HSPBAP1: variants seen among roughly 807,000 people sequenced by gnomAD.
HSPBAP1 encodes HSPB1 associated protein 1, also known as HSPB1-associated protein 1.
A neutral mutation model predicts 45.2 loss-of-function variants in HSPBAP1; 27 were observed. The observed-to-expected ratio is 0.60, with a 90% CI of 0.44 to 0.82. HSPBAP1 has a LOEUF of 0.82. Ranked by LOEUF, HSPBAP1 falls within the 40% of genes least tolerant of loss-of-function variation. The pLI, the probability that HSPBAP1 is intolerant of heterozygous loss-of-function variation, is 0.00. For synonymous variants in HSPBAP1, 204 were observed against 202.7 expected (o/e 1.01, Z -0.06); for missense variants, 510 against 590.9 (o/e 0.86, Z 1.42).
intron 2 of HSPBAP1, among the ~76,000 whole-genome samples, chr3:122,776,139 G>A (rs1173740705): frequency 3.3e-5 from 5 of 152,136 alleles, no homozygotes; most frequent in Admixed American, 3.3e-4. Context: ...TGGCTTAAGG[G>A]GTACTGGGCT....
intron 6 of HSPBAP1, among the ~76,000 whole-genome samples, chr3:122,743,708 G>A (rs1933751411): frequency 6.6e-6 from 1 of 152,198 alleles, no homozygotes; most frequent in African/African-American, 2.4e-5. Flanking sequence ...AAATATATAT[G>A]TGTGCATATG....
chr3:122,750,666 T>A (rs1012677926), intron 6 of HSPBAP1, among the ~76,000 whole-genome samples: 1 of 152,166 alleles, frequency 6.6e-6, no homozygotes, highest in African/African-American at 2.4e-5. Context: ...AAATGCCATT[T>A]CCTACAAAAA....
At chr3:122,753,827 G>A in intron 5 of HSPBAP1, 1 of 984,868 alleles carries the variant, frequency 1.0e-6, no homozygotes, top group Non-Finnish European at 1.2e-6. Context: ...AGCTGGGTTT[G>A]AGTGGATTAA....
At position 122,778,440 on chromosome 3, in the gene HSPBAP1, G is replaced by T. The variant is rs576704725; in HGVS notation, c.65-534C>A. On this transcript the variant is annotated intron_variant, in intron 1 of 7. Transcript: ENST00000306103. ...TTTCAGTTCCTTCTTTTTTTTAACC[G>T]TCAAGCTAGACATTTTTATTTTCCA... Among the ~76,000 whole-genome samples, 10 of 151,238 alleles carry T rather than the reference G, an allele frequency of 6.6e-5. 1 individual carries two copies. In the South Asian group the frequency reaches 2.1e-3, roughly 32 times the overall value.
intron 1 of HSPBAP1, among the ~76,000 whole-genome samples, chr3:122,792,264 C>T (rs1440571673): frequency 2.0e-5 from 3 of 152,152 alleles, no homozygotes; most frequent in Admixed American, 6.5e-5. Flanking sequence ...CAGCAAAGTT[C>T]AGGCCCACGG....
intron 2 of HSPBAP1, 88 bp from the exon 3 acceptor site, chr3:122,768,970 C>A: frequency 2.0e-6 from 2 of 983,642 alleles, no homozygotes; most frequent in Non-Finnish European, 2.9e-6. Context: ...TAATTTCAAC[C>A]AAAAAATTAA....
intron 2 of HSPBAP1, among the ~76,000 whole-genome samples, chr3:122,772,114 T>C (rs1021696229): frequency 2.0e-5 from 3 of 152,204 alleles, no homozygotes; most frequent in Non-Finnish European, 4.4e-5. Flanking sequence ...TTTTAAGGAA[T>C]CTGTAGACCT....
intron 6 of HSPBAP1, among the ~76,000 whole-genome samples, chr3:122,749,283 C>A (rs1005884710): frequency 2.0e-5 from 3 of 151,984 alleles, no homozygotes; most frequent in African/African-American, 7.2e-5. Flanking sequence ...GCAGACTTCC[C>A]TGAGTATAAC....
intron 4 of HSPBAP1, among the ~76,000 whole-genome samples, chr3:122,755,739 A>T (rs1222112990): frequency 6.6e-6 from 1 of 151,864 alleles, no homozygotes; most frequent in Non-Finnish European, 1.5e-5. Flanking sequence ...TCTCAAATCA[A>T]AGTCTGCCTT....
At chr3:122,791,970 T>C (rs766784947) in intron 1 of HSPBAP1, among the ~76,000 whole-genome samples, 1 of 152,062 alleles carries the variant, frequency 6.6e-6, no homozygotes, top group Non-Finnish European at 1.5e-5. Flanking sequence ...GATACAGTAG[T>C]AGTTGAGGTG....
chr3:122,754,298 C>T (rs1269381485), intron 5 of HSPBAP1: 1 of 153,412 alleles, frequency 6.5e-6, no homozygotes, highest in Non-Finnish European at 1.4e-5. Context: ...ATTATTCAGC[C>T]ATAAAAAAGA....
chr3:122,743,176 C>A (rs911390594), intron 6 of HSPBAP1, among the ~76,000 whole-genome samples: 1 of 152,200 alleles, frequency 6.6e-6, no homozygotes, highest in Admixed American at 6.5e-5. Flanking sequence ...CCATTGTACA[C>A]ATATACCACA....
At position 122,768,776 on chromosome 3, in the gene HSPBAP1, G is replaced by A. The variant is rs767213813; in HGVS notation, c.357C>T (p.Asp119=). 2.5e-5 allele frequency: 41 copies of A among 1,611,742 alleles called. No homozygotes were observed. The highest frequency in any genetic ancestry group is 3.2e-5 in the Non-Finnish European group (38 of 1,177,966). The change falls in exon 3 of 8, where the codon GAC becomes GAT. Residue 119 remains aspartate (D), a synonymous_variant. Coordinates refer to ENST00000306103, the MANE Select transcript of HSPBAP1 (RefSeq NM_024610.6). ...SSISGPFRDY[D]HSKFWAYADY... is the part of the protein sequence containing the mutation. Reference sequence around the variant, plus strand: ...CAGCATAAGCCCAGAACTTGGAATGGTCATAATCTCTAAATGGTCCAGAAA... The same window carrying A: ...CAGCATAAGCCCAGAACTTGGAATGATCATAATCTCTAAATGGTCCAGAAA...
At position 122,768,831 on chromosome 3, in the gene HSPBAP1, A is replaced by G; in HGVS notation, c.302T>C (p.Phe101Ser). The G allele has an allele frequency of 6.2e-7, 1 of 1,613,128 alleles. No individual in the cohort carries two copies. The highest frequency in any genetic ancestry group is 8.5e-7 in the Non-Finnish European group (1 of 1,179,070). Residue 101 changes from phenylalanine to serine, a missense_variant, in exon 3 of 8, where the codon TTT becomes TCT. Transcript: ENST00000306103. ...CNYVEATLEE[F>S]LTWNCDQSSI... The stretch of plus-strand genomic sequence containing the variant: ...AGACTGGTCACAGTTCCAGGTCAGA[A>G]ACTCTTCGAGTGTAGCTTCTACGTA...
chr3:122,768,607 G>A (rs1934870867), intron 3 of HSPBAP1, 94 bp downstream of exon 3: 1 of 797,986 alleles, frequency 1.3e-6, no homozygotes, highest in Non-Finnish European at 2.0e-6. Context: ...ACTTATGAGA[G>A]AAAAAGGCAG....
chr3:122,744,322 C>G (rs1933773301), intron 6 of HSPBAP1, among the ~76,000 whole-genome samples: 1 of 152,060 alleles, frequency 6.6e-6, no homozygotes, highest in African/African-American at 2.4e-5. Context: ...TACTCTTTTC[C>G]AAGTATGTGA....
intron 1 of HSPBAP1, among the ~76,000 whole-genome samples, chr3:122,785,695 C>G (rs1333872250): frequency 6.6e-6 from 1 of 152,128 alleles, no homozygotes; most frequent in Non-Finnish European, 1.5e-5. Context: ...CTTACCATGC[C>G]TTAACAAGTG....
chr3:122,753,541 T>A (rs1332468774), intron 5 of HSPBAP1: 1 of 984,574 alleles, frequency 1.0e-6, no homozygotes, highest in African/African-American at 1.7e-5. Flanking sequence ...TAGGAAGGTA[T>A]AATAAACAAA....
At chr3:122,764,881 C>A (rs954738546) in intron 3 of HSPBAP1, among the ~76,000 whole-genome samples, 1 of 152,188 alleles carries the variant, frequency 6.6e-6, no homozygotes, top group African/African-American at 2.4e-5. Flanking sequence ...CAGGTAGATT[C>A]CATTTGATAT....
Sources: allele counts gnomAD v4.1 joint callset (sites outside exome capture counted in the v4.1 genomes callset), GRCh38; gene constraint gnomAD v4.1.1; transcripts MANE v1.5; gene names NCBI Gene and HGNC (gene_info 2026-07-23, HGNC 2026-07-21).